The following SCAI variants were observed in gnomAD, a reference collection of about 807,000 sequenced individuals.
SCAI encodes the protein suppressor of cancer cell invasion.
A neutral mutation model predicts 92.2 loss-of-function variants in SCAI; 24 were observed. The ratio of observed to expected loss-of-function variants is 0.26; its 90% CI spans 0.19 to 0.37. SCAI has a LOEUF of 0.37. Ranked by LOEUF, SCAI falls within the 10% of genes least tolerant of loss-of-function variation. The probability of loss-of-function intolerance (pLI) is 1.00; values close to 1 mark genes in which losing one functional copy is unlikely to be tolerated. For synonymous variants in SCAI, 261 were observed against 258.6 expected, an observed-to-expected ratio of 1.01 and a Z score of -0.09; for missense variants, 450 against 736.2, an observed-to-expected ratio of 0.61 and a Z score of 4.50.
intron 2 of SCAI, among the ~76,000 whole-genome samples, chr9:125,087,846 A>C (rs1176723745): frequency 1.3e-5 from 2 of 152,224 alleles, no homozygotes; most frequent in Non-Finnish European, 2.9e-5. Context: ...TGAAATATTT[A>C]CAGATTAAAT....
intron 2 of SCAI, among the ~76,000 whole-genome samples, chr9:125,135,313 C>T (rs1257896384): frequency 6.6e-6 from 1 of 152,234 alleles, no homozygotes; most frequent in East Asian, 1.9e-4. Context: ...CACTAACTAA[C>T]ACCTATCAAA....
intron 2 of SCAI, among the ~76,000 whole-genome samples, chr9:125,122,538 A>G (rs1835174718): frequency 1.3e-5 from 2 of 148,962 alleles, no homozygotes; most frequent in African/African-American, 5.0e-5. Context: ...GCAGTGAACC[A>G]AGATTGCGCT....
At chr9:124,994,439 A>G (rs916357036) in intron 14 of SCAI, among the ~76,000 whole-genome samples, 1 of 152,230 alleles carries the variant, frequency 6.6e-6, no homozygotes, top group East Asian at 1.9e-4. Context: ...TTCAGCATTC[A>G]GGGCCATCTT....
At chr9:125,056,388 C>G (rs1038953772) in intron 2 of SCAI, among the ~76,000 whole-genome samples, 3 of 152,054 alleles carry the variant, frequency 2.0e-5, no homozygotes, top group Non-Finnish European at 2.9e-5. Flanking sequence ...ATTGCTTGAC[C>G]CAGGGAGGCG....
intron 6 of SCAI, among the ~76,000 whole-genome samples, chr9:125,025,741 C>T (rs1351533467): frequency 6.6e-6 from 1 of 152,112 alleles, no homozygotes; most frequent in African/African-American, 2.4e-5. Flanking sequence ...ATGCAAACGC[C>T]CCTAGACAAG....
chr9:125,023,435 T>C (rs1832907736), intron 6 of SCAI, among the ~76,000 whole-genome samples: 1 of 152,188 alleles, frequency 6.6e-6, no homozygotes, highest in Non-Finnish European at 1.5e-5. Context: ...GAAAGTGGAA[T>C]TCAAAACAAA....
intron 14 of SCAI, among the ~76,000 whole-genome samples, chr9:124,979,907 G>T (rs1210240784): frequency 2.0e-5 from 3 of 151,928 alleles, no homozygotes; most frequent in Non-Finnish European, 4.4e-5. Flanking sequence ...AAAATTAGCC[G>T]GGCATGGTGG....
chr9:125,090,075 C>G (rs746889650), intron 2 of SCAI, among the ~76,000 whole-genome samples: 34 of 152,128 alleles, frequency 2.2e-4, no homozygotes, highest in Non-Finnish European at 4.0e-4. Flanking sequence ...AAGAAATAAA[C>G]CATTTCTGTG....
chr9:125,032,896 T>C (rs360205), intron 3 of SCAI, among the ~76,000 whole-genome samples: 147,506 of 152,210 alleles, frequency 0.97, 71,529 homozygotes, highest in East Asian at 1. Context: ...GGATTACAGG[T>C]GTGAGCCACT....
chr9:124,986,538 G>C (rs1831993620), intron 14 of SCAI, among the ~76,000 whole-genome samples: 1 of 152,174 alleles, frequency 6.6e-6, no homozygotes, highest in African/African-American at 2.4e-5. Flanking sequence ...GGAGGACACA[G>C]TGTGAATGTC....
intron 2 of SCAI, among the ~76,000 whole-genome samples, chr9:125,076,911 A>G (rs182538972): frequency 6.6e-6 from 1 of 152,000 alleles, no homozygotes; most frequent in African/African-American, 2.4e-5. Flanking sequence ...CATGTTGGCC[A>G]GGTTGGTCTC....
At chr9:125,048,935 G>T (rs1833501494) in intron 3 of SCAI, among the ~76,000 whole-genome samples, 1 of 151,638 alleles carries the variant, frequency 6.6e-6, no homozygotes, top group South Asian at 2.1e-4. Flanking sequence ...AGTAGAGATG[G>T]GGTTTCTCCA....
chr9:125,030,014 C>T (rs1564385239), intron 3 of SCAI, among the ~76,000 whole-genome samples: 1 of 152,146 alleles, frequency 6.6e-6, no homozygotes, highest in Non-Finnish European at 1.5e-5. Flanking sequence ...CCCTCTCCCT[C>T]GGTGATCTTA....
intron 17 of SCAI, among the ~76,000 whole-genome samples, chr9:124,965,080 G>C (rs989257226): frequency 6.6e-6 from 1 of 150,890 alleles, no homozygotes; most frequent in Non-Finnish European, 1.5e-5. Flanking sequence ...TGCTTCTCGT[G>C]TTATCTTAAC....
intron 2 of SCAI, among the ~76,000 whole-genome samples, chr9:125,084,981 C>G (rs1470054103): frequency 1.3e-5 from 2 of 152,200 alleles, no homozygotes; most frequent in Non-Finnish European, 2.9e-5. Context: ...ACAGTTTTAT[C>G]AAATTTCAGT....
chr9:124,954,419 G>C (rs981967873), intron 17 of SCAI, among the ~76,000 whole-genome samples: 1 of 152,216 alleles, frequency 6.6e-6, no homozygotes, highest in East Asian at 1.9e-4. Flanking sequence ...TGCTTAAAAG[G>C]TAAGTACTTC....
At chr9:124,984,252 G>T (rs1831943109) in intron 14 of SCAI, among the ~76,000 whole-genome samples, 1 of 152,164 alleles carries the variant, frequency 6.6e-6, no homozygotes, top group African/African-American at 2.4e-5. Flanking sequence ...TGAGCAATCA[G>T]GGGCCAGGGA....
chr9:124,990,530 A>G (rs1230310703), intron 14 of SCAI, among the ~76,000 whole-genome samples: 1 of 152,116 alleles, frequency 6.6e-6, no homozygotes, highest in African/African-American at 2.4e-5. Context: ...AAAATTATCT[A>G]TGGTGTGGAT....
At chr9:125,131,352 G>A (rs1835397081) in intron 2 of SCAI, among the ~76,000 whole-genome samples, 1 of 149,736 alleles carries the variant, frequency 6.7e-6, no homozygotes, top group African/African-American at 2.5e-5. Flanking sequence ...AGGTTGCAGT[G>A]AGCCGAGATT....
Sources: gnomAD v4.1 joint callset for allele counts (sites outside exome capture counted in the v4.1 genomes callset) on GRCh38, gnomAD v4.1.1 for gene constraint, MANE v1.5 for transcripts, NCBI Gene and HGNC (gene_info 2026-07-23, HGNC 2026-07-21) for gene names.